ZBTB3: variants seen among roughly 807,000 people sequenced by gnomAD.
ZBTB3 encodes the protein zinc finger and BTB domain containing 3.
A neutral mutation model predicts 30.6 loss-of-function variants in ZBTB3; 15 were observed. That is an observed-to-expected ratio of 0.49 (90% confidence interval 0.33 to 0.75). The LOEUF is 0.75. Ranked by LOEUF, ZBTB3 falls within the 30% of genes least tolerant of loss-of-function variation. The pLI is 0.02. For synonymous variants in ZBTB3, 258 were observed against 261.7 expected (o/e 0.99, Z 0.14); for missense variants, 599 against 652.1 (o/e 0.92, Z 0.89).
chr11:62,753,044 C>T lies in ZBTB3; in HGVS notation c.621G>A (p.Leu207=). The T allele has an allele frequency of 6.2e-7, 1 of 1,614,172 alleles. No individual in the cohort carries two copies. Among genetic ancestry groups the T allele is most frequent in the Non-Finnish European group, 8.5e-7 (1 of 1,180,024 alleles). The change falls in exon 2 of 2, where the codon CTG becomes CTA. Residue 207 remains leucine (L), a synonymous_variant. Transcript: ENST00000394807. Reference sequence around the variant, plus strand: ...CAGCCACTGGTGGATGAGGTGCCCGCAGATGTGGTGCGTCAACCTCCATGC... The same window carrying T: ...CAGCCACTGGTGGATGAGGTGCCCGTAGATGTGGTGCGTCAACCTCCATGC... The part of the protein sequence containing the change: ...QPGMEVDAPH[L]RAPHPPVADV...
At position 62,752,669 on chromosome 11, in the gene ZBTB3, A is replaced by C; in HGVS notation, c.996T>G (p.Ser332=). The C allele has an allele frequency of 1.2e-6, 2 of 1,614,254 alleles. No homozygotes were observed. The highest frequency in any genetic ancestry group is 1.7e-6 in the Non-Finnish European group (2 of 1,180,052). ...GCTGTGCCCCATACACTGCTCCTCC[A>C]GATGGGAAAGCTCTCTCAGGACCCT... is the stretch of plus-strand genomic sequence containing the variant. ...QPQGPERAFP[S]GGAVYGAQPS... is the part of the protein sequence containing the mutation. Residue 332 remains serine (S), a synonymous_variant, in exon 2 of 2, where the codon TCT becomes TCG. Coordinates refer to ENST00000394807, the MANE Select transcript of ZBTB3 (RefSeq NM_001370809.1).
Position 62,753,996 on chromosome 11 carries a change from A to T in ZBTB3, c.-84T>A. On this transcript the variant is annotated 5_prime_UTR_variant, in exon 1 of 2. Coordinates refer to ENST00000394807, the MANE Select transcript of ZBTB3 (RefSeq NM_001370809.1). ...CGTCCAACGGCTCCACGAAGTAGAG[A>T]TCTTTTTCGCTCCCAGGCCTTGCCA... 6.2e-7 allele frequency: 1 copy of T among 1,613,414 alleles called. No individual in the cohort carries two copies. The highest frequency in any genetic ancestry group is 8.5e-7 in the Non-Finnish European group (1 of 1,179,910).
In ZBTB3 at chr11:62,753,427, G is replaced by C; in HGVS notation, c.238C>G (p.Leu80Val). The C allele has an allele frequency of 6.2e-7, 1 of 1,614,190 alleles. No homozygotes were observed. The change falls in exon 2 of 2, where the codon CTG becomes GTG. Residue 80 changes from leucine to valine, a missense_variant. Transcript: ENST00000394807. ...IVTAPAFGLLLDFMYAGQLTL... is the reference protein window; with the variant it reads ...IVTAPAFGLLVDFMYAGQLTL... ...AGCTGGCCAGCATACATAAAGTCCA[G>C]AAGCAGCCCAAAGGCTGGGGCTGTG...
rs746083425 is a variant in ZBTB3 at position 62,752,811 on chromosome 11, A to T, written c.854T>A (p.Val285Asp). 5.6e-6 allele frequency: 9 copies of T among 1,614,104 alleles called. No homozygotes were observed. The highest frequency in any genetic ancestry group is 7.6e-6 in the Non-Finnish European group (9 of 1,180,008). Residue 285 changes from valine (V) to aspartate (D), a missense_variant, in exon 2 of 2, where the codon GTC becomes GAC. Val to Asp is a radical substitution (Grantham distance 152). Coordinates refer to ENST00000394807, the MANE Select transcript of ZBTB3 (RefSeq NM_001370809.1). ...AGCCTGGGATGGAACTGGAGCTGAGACAGGGGCTGGGGCTGACGTTGGGGC... is the reference window on the plus strand; with the variant it reads ...AGCCTGGGATGGAACTGGAGCTGAGTCAGGGGCTGGGGCTGACGTTGGGGC... Reference protein sequence around the residue: ...ASAPTSAPAPVSAPVPSQAPA... With the variant: ...ASAPTSAPAPDSAPVPSQAPA...
At position 62,753,653 on chromosome 11, in the gene ZBTB3, T is replaced by C. The variant is rs1315927596; in HGVS notation, c.12A>G (p.Pro4=). ...TCTGCAGCAGCTGCTGACTGTGTTCTGGGAACTCCATAGTACCCCACGAAG... is the reference window on the plus strand; with the variant it reads ...TCTGCAGCAGCTGCTGACTGTGTTCCGGGAACTCCATAGTACCCCACGAAG... The part of the protein sequence containing the change: MEF[P]EHSQQLLQSL... Residue 4 remains proline, a synonymous_variant, in exon 2 of 2, where the codon CCA becomes CCG. Transcript: ENST00000394807. 1 of 1,613,352 alleles carries C rather than the reference T, an allele frequency of 6.2e-7. No individual in the cohort carries two copies.
rs141898117 is a variant in ZBTB3, at chr11:62,752,258, G to A, written c.1407C>T (p.Ile469=). 1.2e-4 allele frequency: 187 copies of A among 1,614,228 alleles called. No individual in the cohort carries two copies. In the African/African-American group the frequency reaches 2.3e-3, roughly 20 times the overall value. The change falls in exon 2 of 2, where the codon ATC becomes ATT. Residue 469 remains isoleucine, a synonymous_variant. Coordinates refer to ENST00000394807, the MANE Select transcript of ZBTB3 (RefSeq NM_001370809.1). ...CCAGGTCCTCATTGTGAGCCTTGCG[G>A]ATGTGGCGGTAGAGGTCCCCTGACT... The part of the protein sequence containing the change: ...YTQSGDLYRH[I]RKAHNEDLAK...
chr11:62,754,090 A>G lies in ZBTB3; in HGVS notation c.-178T>C, dbSNP rs375728960. On this transcript the variant is annotated 5_prime_UTR_variant, in exon 1 of 2. Transcript: ENST00000394807. Reference sequence around the variant, plus strand: ...CCCTCACGCATTCCAGGGGCTAAGGACTACCAGGGTGGGAACTAGCGGAGA... The same window carrying G: ...CCCTCACGCATTCCAGGGGCTAAGGGCTACCAGGGTGGGAACTAGCGGAGA... The G allele has an allele frequency of 3.0e-5, 49 of 1,609,488 alleles. No homozygotes were observed. The African/African-American group carries it at 5.6e-4, about 18-fold the overall frequency.
In ZBTB3 at chr11:62,752,386, A is replaced by G. The variant is rs2084021374; in HGVS notation, c.1279T>C (p.Cys427Arg). The G allele has an allele frequency of 1.9e-6, 3 of 1,614,178 alleles. No homozygotes were observed. The highest frequency in any genetic ancestry group is 2.5e-6 in the Non-Finnish European group (3 of 1,180,026). The change falls in exon 2 of 2, where the codon TGT becomes CGT. Residue 427 changes from cysteine to arginine, a missense_variant. Transcript: ENST00000394807. ...FTEDVPTCKT[C>R]GKTFSCSYTL... The stretch of plus-strand genomic sequence containing the variant: ...TAAGAGCATGAGAAGGTCTTCCCAC[A>G]TGTCTTGCAGGTGGGAACATCCTCA...
Position 62,754,125 on chromosome 11 carries a change from C to T in ZBTB3, c.-213G>A. ...TGGGAACTAGCGGAGAAAGCTGATA[C>T]CTCACCCACCACCGAGCAGCCACAG... On this transcript the variant is annotated 5_prime_UTR_variant, in exon 1 of 2. Coordinates refer to ENST00000394807, the MANE Select transcript of ZBTB3 (RefSeq NM_001370809.1). 6.6e-7 allele frequency: 1 copy of T among 1,519,830 alleles called. No individual in the cohort carries two copies. Among genetic ancestry groups the T allele is most frequent in the Middle Eastern group, 1.7e-4 (1 of 5,880 alleles). The allele number at this position is 1,519,830 out of a possible 1,614,324, so 94.1% of individuals were successfully genotyped here. A position where few individuals can be genotyped will look rare whatever the true frequency, so the allele number is the denominator to read the frequency against.
In ZBTB3 at chr11:62,753,049, G is replaced by A; in HGVS notation, c.616C>T (p.His206Tyr). 1 of 1,614,218 alleles carries A rather than the reference G, an allele frequency of 6.2e-7. No homozygotes were observed. Among genetic ancestry groups the A allele is most frequent in the Non-Finnish European group, 8.5e-7 (1 of 1,180,042 alleles). The change falls in exon 2 of 2, where the codon CAT (histidine) becomes TAT (tyrosine). Residue 206 changes from histidine (H) to tyrosine (Y), a missense_variant. Coordinates refer to ENST00000394807, the MANE Select transcript of ZBTB3 (RefSeq NM_001370809.1). Reference protein sequence around the residue: ...TQPGMEVDAPHLRAPHPPVAD... With the variant: ...TQPGMEVDAPYLRAPHPPVAD... ...ACTGGTGGATGAGGTGCCCGCAGAT[G>A]TGGTGCGTCAACCTCCATGCCAGGC...
Position 62,752,862 on chromosome 11 carries a change from A to G in ZBTB3, c.803T>C (p.Leu268Pro), listed in dbSNP as rs749785047. 5.0e-6 allele frequency: 8 copies of G among 1,614,018 alleles called. No individual in the cohort carries two copies. The highest frequency in any genetic ancestry group is 1.3e-5 in the African/African-American group (1 of 74,922). ...VVEPKDPGGP[L>P]QGFYPPASAP... ...TGAGGCTGGGGGATAGAAGCCTTGCAGTGGTCCTCCAGGATCCTTTGGTTC... is the reference window on the plus strand; with the variant it reads ...TGAGGCTGGGGGATAGAAGCCTTGCGGTGGTCCTCCAGGATCCTTTGGTTC... The change falls in exon 2 of 2, where the codon CTG becomes CCG. Residue 268 changes from leucine (L) to proline (P), a missense_variant. Leu to Pro is a moderately conservative substitution (Grantham distance 98, BLOSUM62 -3). Transcript: ENST00000394807.
chr11:62,752,739 A>G lies in ZBTB3; in HGVS notation c.926T>C (p.Ile309Thr). The G allele has an allele frequency of 6.2e-7, 1 of 1,614,188 alleles. No homozygotes were observed. Among genetic ancestry groups the G allele is most frequent in the Non-Finnish European group, 8.5e-7 (1 of 1,180,032 alleles). The change falls in exon 2 of 2, where the codon ATT (isoleucine) becomes ACT (threonine). Residue 309 changes from isoleucine to threonine, a missense_variant. Physicochemically the swap from Ile to Thr is moderately conservative, Grantham distance 89. Transcript: ENST00000394807. ...AELVQVKVEA[I>T]VISDEETDVS... The stretch of plus-strand genomic sequence containing the variant: ...ATCAGTCTCTTCATCAGAGATCACA[A>G]TAGCTTCAACTTTCACCTGGACCAG...
rs148738930 is a variant in ZBTB3, at chr11:62,753,056, G to C, written c.609C>G (p.Asp203Glu). Reference protein sequence around the residue: ...ADTTQPGMEVDAPHLRAPHPP... With the variant: ...ADTTQPGMEVEAPHLRAPHPP... ...GATGAGGTGCCCGCAGATGTGGTGC[G>C]TCAACCTCCATGCCAGGCTGTGTAG... The change falls in exon 2 of 2, where the codon GAC (aspartate) becomes GAG (glutamate). Residue 203 changes from aspartate (D) to glutamate (E), a missense_variant. Coordinates refer to ENST00000394807, the MANE Select transcript of ZBTB3 (RefSeq NM_001370809.1). The C allele has an allele frequency of 6.2e-7, 1 of 1,614,028 alleles. No individual in the cohort carries two copies. Among genetic ancestry groups the C allele is most frequent in the African/African-American group, 1.3e-5 (1 of 74,904 alleles).
chr11:62,753,391 C>T lies in ZBTB3; in HGVS notation c.274G>A (p.Gly92Arg). The change falls in exon 2 of 2, where the codon GGG (glycine) becomes AGG (arginine). Residue 92 changes from glycine (G) to arginine (R), a missense_variant. Gly to Arg is a moderately radical substitution (Grantham distance 125). Coordinates refer to ENST00000394807, the MANE Select transcript of ZBTB3 (RefSeq NM_001370809.1). ...AGCACATCCTCCACAGGGGTATCCCCTCTCAGGGTCAGCTGGCCAGCATAC... is the reference window on the plus strand; with the variant it reads ...AGCACATCCTCCACAGGGGTATCCCTTCTCAGGGTCAGCTGGCCAGCATAC... ...FMYAGQLTLR[G>R]DTPVEDVLAA... The T allele has an allele frequency of 6.2e-7, 1 of 1,614,168 alleles. No homozygotes were observed. Among genetic ancestry groups the T allele is most frequent in the African/African-American group, 1.3e-5 (1 of 75,066 alleles).
Position 62,751,856 on chromosome 11 carries a change from A to C in ZBTB3, c.*234T>G. On this transcript the variant is annotated 3_prime_UTR_variant, in exon 2 of 2. Transcript: ENST00000394807. The stretch of plus-strand genomic sequence containing the variant: ...AGGCTGAGGCAGGAGAATGGCGTGA[A>C]TCGGGGAGGCTGAGCTTGCAGTGAG... 1 of 336,830 alleles carries C rather than the reference A, an allele frequency of 3.0e-6. No individual in the cohort carries two copies. Among genetic ancestry groups the C allele is most frequent in the Non-Finnish European group, 5.4e-6 (1 of 186,116 alleles). The allele number at this position is 336,830 out of a possible 1,614,324, so 20.9% of individuals were successfully genotyped here.
Position 62,753,312 on chromosome 11 carries a change from C to T in ZBTB3, c.353G>A (p.Arg118Gln), listed in dbSNP as rs779821183. ...MNDIVKVCKRRLQARALAEAD... is the reference protein window; with the variant it reads ...MNDIVKVCKRQLQARALAEAD... ...CTCTGCCAGGGCCCGGGCTTGAAGC[C>T]GCCGCTTACACACCTTGACGATGTC... The change falls in exon 2 of 2, where the codon CGG (arginine) becomes CAG (glutamine). Residue 118 changes from arginine (R) to glutamine (Q), a missense_variant. Physicochemically the swap from Arg to Gln is conservative, Grantham distance 43. Coordinates refer to ENST00000394807, the MANE Select transcript of ZBTB3 (RefSeq NM_001370809.1). 7.4e-6 allele frequency: 12 copies of T among 1,613,978 alleles called. No individual in the cohort carries two copies. The South Asian group carries it at 9.9e-5, about 13-fold the overall frequency.
Position 62,752,671 on chromosome 11 carries a change from A to G in ZBTB3, c.994T>C (p.Ser332Pro), listed in dbSNP as rs2084025344. 6.2e-7 allele frequency: 1 copy of G among 1,614,196 alleles called. No individual in the cohort carries two copies. The highest frequency in any genetic ancestry group is 8.5e-7 in the Non-Finnish European group (1 of 1,180,042). Residue 332 changes from serine (S) to proline (P), a missense_variant, in exon 2 of 2, where the codon TCT becomes CCT. Coordinates refer to ENST00000394807, the MANE Select transcript of ZBTB3 (RefSeq NM_001370809.1). ...QPQGPERAFP[S>P]GGAVYGAQPS... is the part of the protein sequence containing the mutation. ...TGTGCCCCATACACTGCTCCTCCAG[A>G]TGGGAAAGCTCTCTCAGGACCCTGA... is the stretch of plus-strand genomic sequence containing the variant.
rs755638071 is a variant in ZBTB3 at position 62,752,091 on chromosome 11, T to C, written c.1574A>G (p.Ter525=). Residue 525 remains the stop codon, a stop_retained_variant, in exon 2 of 2, where the codon TAA becomes TGA. Coordinates refer to ENST00000394807, the MANE Select transcript of ZBTB3 (RefSeq NM_001370809.1). ...AGCCTAGCATCAGCTCATGCTCCCT[T>C]AGATGTTAGTTTTTGGGGCCAATAC... is the stretch of plus-strand genomic sequence containing the variant. ...DFVLAPKTNI[*] is the part of the protein sequence containing the mutation. 6.2e-7 allele frequency: 1 copy of C among 1,604,572 alleles called. No homozygotes were observed. The highest frequency in any genetic ancestry group is 1.3e-5 in the African/African-American group (1 of 74,868).
In ZBTB3 at chr11:62,753,764, T is replaced by G. The variant is rs758156730; in HGVS notation, c.-51-49A>C. ...AAGACAGGTAACCTCCCCAGCAACC[T>G]TATCAGCCCTTAACTATCACTTGCC... is the stretch of plus-strand genomic sequence containing the variant. On this transcript the variant is annotated intron_variant, in intron 1 of 1. Coordinates refer to ENST00000394807, the MANE Select transcript of ZBTB3 (RefSeq NM_001370809.1). The G allele has an allele frequency of 9.0e-6, 14 of 1,551,962 alleles. No individual in the cohort carries two copies. The South Asian group carries it at 1.5e-4, about 17-fold the overall frequency.
Sources: gnomAD v4.1 joint callset for allele counts on GRCh38, gnomAD v4.1.1 for gene constraint, MANE v1.5 for transcripts, NCBI Gene and HGNC (gene_info 2026-07-23, HGNC 2026-07-21) for gene names.